Variants in POP1 observed in about 807,000 individuals in gnomAD.
POP1 encodes the protein POP1 ribonuclease P/MRP subunit, also known as ribonucleases P/MRP protein subunit POP1.
A neutral mutation model predicts 102.2 loss-of-function variants in POP1; 75 were observed. The observed-to-expected ratio is 0.73, with a 90% CI of 0.61 to 0.89. The LOEUF (loss-of-function observed/expected upper bound fraction) is 0.89. Among genes scored for constraint, POP1 ranks in the 40% least tolerant of loss-of-function variants. The pLI is 0.00. For missense variants in POP1, 1,116 were observed against 1,267.4 expected (o/e 0.88, Z 1.81); for synonymous variants, 436 against 464.1 (o/e 0.94, Z 0.78).
Position 98,134,035 on chromosome 8 carries a change from A to T in POP1, c.822A>T (p.Thr274=), listed in dbSNP as rs940912509. ...KALSGMCNID[T]GLTFAAVHCL... is the part of the protein sequence containing the mutation. Reference sequence around the variant, plus strand: ...TTTCTGGAATGTGTAACATAGACACAGGTAAACTTGTTTTAAAGCTGAGTT... The same window carrying T: ...TTTCTGGAATGTGTAACATAGACACTGGTAAACTTGTTTTAAAGCTGAGTT... Residue 274 remains threonine, a splice_region_variant and synonymous_variant, in exon 6 of 16, where the codon ACA becomes ACT. Coordinates refer to ENST00000401707, the MANE Select transcript of POP1 (RefSeq NM_001145860.2). 6.2e-7 allele frequency: 1 copy of T among 1,601,786 alleles called. No homozygotes were observed. The highest frequency in any genetic ancestry group is 8.6e-7 in the Non-Finnish European group (1 of 1,168,748).
chr8:98,131,243 C>T (rs775324062), intron 5 of POP1, among the ~76,000 whole-genome samples: 6 of 152,166 alleles, frequency 3.9e-5, no homozygotes, highest in Non-Finnish European at 7.3e-5. Context: ...CTGAAACTCT[C>T]GACTCATTAA....
intron 2 of POP1, among the ~76,000 whole-genome samples, chr8:98,125,468 G>A (rs1816172578): frequency 6.6e-6 from 1 of 152,076 alleles, no homozygotes; most frequent in Admixed American, 6.5e-5. Flanking sequence ...TTACAGGCGT[G>A]AGCCACTGTA....
In POP1 at chr8:98,123,482, A is replaced by G. The variant is rs1816096469; in HGVS notation, c.142+3A>G. The G allele has an allele frequency of 6.2e-7, 1 of 1,613,170 alleles. No individual in the cohort carries two copies. The highest frequency in any genetic ancestry group is 1.1e-5 in the South Asian group (1 of 91,072). On this transcript the variant is annotated splice_donor_region_variant and intron_variant, in intron 2 of 15. Transcript: ENST00000401707. ...ACCTTTCCAAGCTCAAAAACAAGGT[A>G]AAATACACATAAGAGACCAGGCATG...
rs1381768312 is a variant in POP1, at chr8:98,157,771, G to A, written c.2575G>A (p.Val859Ile). 2 of 1,614,186 alleles carry A rather than the reference G, an allele frequency of 1.2e-6. No homozygotes were observed. The highest frequency in any genetic ancestry group is 3.3e-5 in the Admixed American group (2 of 60,026). ...LGHFPRALVW[V>I]SLSLLSKGSP... ...CCACTTCCCCAGGGCCCTGGTTTGG[G>A]TCAGCCTGTCCCTGCTCAGCAAGGG... is the stretch of plus-strand genomic sequence containing the variant. Residue 859 changes from valine (V) to isoleucine (I), a missense_variant, in exon 16 of 16, where the codon GTC becomes ATC. Physicochemically the swap from Val to Ile is conservative, Grantham distance 29. Coordinates refer to ENST00000401707, the MANE Select transcript of POP1 (RefSeq NM_001145860.2).
intron 9 of POP1, among the ~76,000 whole-genome samples, chr8:98,138,660 G>T (rs1194074661): frequency 6.6e-6 from 1 of 152,108 alleles, no homozygotes; most frequent in Admixed American, 6.5e-5. Flanking sequence ...GATAGAGTTG[G>T]TCCTGTTTTT....
rs757151844 is a variant in POP1, at chr8:98,156,228, G to T, written c.2236G>T (p.Ala746Ser). 37 of 1,613,924 alleles carry T rather than the reference G, an allele frequency of 2.3e-5. No individual in the cohort carries two copies. The highest frequency in any genetic ancestry group is 2.9e-5 in the Non-Finnish European group (34 of 1,180,020). The change falls in exon 15 of 16, where the codon GCT becomes TCT. Residue 746 changes from alanine (A) to serine (S), a missense_variant. By Grantham distance (99) the Ala-to-Ser change is moderately conservative (BLOSUM62 1). Coordinates refer to ENST00000401707, the MANE Select transcript of POP1 (RefSeq NM_001145860.2). ...SDLRRSEVPC[A>S]PMPKKTHQPS... Reference sequence around the variant, plus strand: ...CCTAAGAAGATCTGAGGTGCCTTGTGCTCCCATGCCTAAAAAAACTCATCA... The same window carrying T: ...CCTAAGAAGATCTGAGGTGCCTTGTTCTCCCATGCCTAAAAAAACTCATCA...
chr8:98,117,432 G>C (rs1052277961), intron 1 of POP1, 42 bp downstream of exon 1: 1 of 320,082 alleles, frequency 3.1e-6, no homozygotes, highest in African/African-American at 2.1e-5. Flanking sequence ...TGCGAGTGTC[G>C]GGGGAACTGT....
chr8:98,139,780 G>A (rs1816656467), intron 9 of POP1, among the ~76,000 whole-genome samples: 1 of 152,158 alleles, frequency 6.6e-6, no homozygotes, highest in South Asian at 2.1e-4. Flanking sequence ...CTGCGCTCTG[G>A]AGAGACTTTG....
At chr8:98,131,414 G>A (rs1176558234) in intron 5 of POP1, among the ~76,000 whole-genome samples, 1 of 152,178 alleles carries the variant, frequency 6.6e-6, no homozygotes, top group Non-Finnish European at 1.5e-5. Flanking sequence ...CATCCGTGTT[G>A]TAGCATGTGT....
intron 8 of POP1, 41 bp from the exon 9 acceptor site, chr8:98,136,820 G>A: frequency 6.2e-7 from 1 of 1,607,614 alleles, no homozygotes; most frequent in Non-Finnish European, 8.5e-7. Context: ...CAGATGTTGT[G>A]TGATGAAAGT....
intron 11 of POP1, 73 bp downstream of exon 11, chr8:98,140,961 T>G: frequency 6.5e-7 from 1 of 1,544,738 alleles, no homozygotes; most frequent in Non-Finnish European, 8.9e-7. Flanking sequence ...GAAGAGTTCT[T>G]TCTCTGACAC....
chr8:98,136,401 TAA>T, intron 7 of POP1, 79 bp from the exon 8 acceptor site: 11 of 1,107,248 alleles, frequency 9.9e-6, no homozygotes, highest in Admixed American at 2.7e-5. Context: ...TAAAGAGATT[TAA>T]AAAAAAAAAC....
At chr8:98,132,544 T>A (rs887086348) in intron 5 of POP1, among the ~76,000 whole-genome samples, 5 of 152,136 alleles carry the variant, frequency 3.3e-5, no homozygotes, top group African/African-American at 1.2e-4. Flanking sequence ...TGAAATTGCT[T>A]AAAGATGCTA....
At chr8:98,125,144 A>C (rs984042457) in intron 2 of POP1, among the ~76,000 whole-genome samples, 3 of 151,986 alleles carry the variant, frequency 2.0e-5, no homozygotes, top group Non-Finnish European at 4.4e-5. Context: ...AACACTATAA[A>C]ATTCTCTACT....
chr8:98,123,295 A>G, intron 1 of POP1, 41 bp from the exon 2 acceptor site: 3 of 1,601,380 alleles, frequency 1.9e-6, no homozygotes, highest in Admixed American at 1.7e-5. Flanking sequence ...TTTGAGTGGA[A>G]GTTTCCTTTC....
At chr8:98,123,756 A>G (rs1816108333) in intron 2 of POP1, among the ~76,000 whole-genome samples, 1 of 150,136 alleles carries the variant, frequency 6.7e-6, no homozygotes, top group African/African-American at 2.5e-5. Flanking sequence ...CAGCCTGAAG[A>G]CAGAGTGAGA....
At position 98,157,693 on chromosome 8, in the gene POP1, C is replaced by T. The variant is rs900185602; in HGVS notation, c.2497C>T (p.Pro833Ser). ...GGATAGTCGGGGAGGCCGGCGAGCT[C>T]CCGGCAGAGGCCAGCAAGGATTGAC... ...SEDSRGGRRAPGRGQQGLTRE... is the reference protein window; with the variant it reads ...SEDSRGGRRASGRGQQGLTRE... Residue 833 changes from proline (P) to serine (S), a missense_variant, in exon 16 of 16, where the codon CCC (proline) becomes TCC (serine). Pro to Ser is a moderately conservative substitution (Grantham distance 74, BLOSUM62 -1). Coordinates refer to ENST00000401707, the MANE Select transcript of POP1 (RefSeq NM_001145860.2). The T allele has an allele frequency of 1.9e-6, 3 of 1,614,098 alleles. No homozygotes were observed. The highest frequency in any genetic ancestry group is 2.2e-5 in the East Asian group (1 of 44,890).
chr8:98,122,982 A>C (rs17764917), intron 1 of POP1, among the ~76,000 whole-genome samples: 46,470 of 152,128 alleles, frequency 0.31, 7,975 homozygotes, highest in South Asian at 0.4. Flanking sequence ...TGAAAGCGTC[A>C]GTAATTTGTG....
At position 98,158,368 on chromosome 8, in the gene POP1, T is replaced by C; in HGVS notation, c.*97T>C. ...TCTGCTTCTGCTTTAAAATATCATG[T>C]GAAACTCCCTGGAAACAAGAATAAA... is the stretch of plus-strand genomic sequence containing the variant. On this transcript the variant is annotated 3_prime_UTR_variant, in exon 16 of 16. Transcript: ENST00000401707. The C allele has an allele frequency of 7.5e-7, 1 of 1,328,446 alleles. No individual in the cohort carries two copies. The highest frequency in any genetic ancestry group is 1.1e-6 in the Non-Finnish European group (1 of 937,216). 82.3% of individuals were successfully genotyped at this position (1,328,446 alleles called of 1,614,324 possible).
Sources: allele counts gnomAD v4.1 joint callset (sites outside exome capture counted in the v4.1 genomes callset), GRCh38; gene constraint gnomAD v4.1.1; transcripts MANE v1.5; gene names NCBI Gene and HGNC (gene_info 2026-07-23, HGNC 2026-07-21).